MYO18B: variants seen among roughly 807,000 people sequenced by gnomAD.
The protein encoded by MYO18B is unconventional myosin-XVIIIb.
In MYO18B, 204 loss-of-function variants were observed where a neutral mutation model predicts 273.0. That is an observed-to-expected ratio of 0.75 (90% CI 0.67 to 0.84). The LOEUF is 0.84. Ranked by LOEUF, MYO18B falls within the 40% of genes least tolerant of loss-of-function variation. The probability of loss-of-function intolerance (pLI) is 0.00; values close to 1 mark genes in which losing one functional copy is unlikely to be tolerated. For synonymous variants in MYO18B, 1,330 were observed against 1,305.7 expected, an observed-to-expected ratio of 1.02 and a Z score of -0.40; for missense variants, 3,212 against 3,287.6, an observed-to-expected ratio of 0.98 and a Z score of 0.56.
At chr22:26,014,611 GTGC>G (rs1459776169) in intron 42 of MYO18B, among the ~76,000 whole-genome samples, 4 of 152,200 alleles carry the variant, frequency 2.6e-5, no homozygotes, top group African/African-American at 4.8e-5. Context: ...TGGAAGCTGA[GTGC>G]TGAGCTAGGC....
At chr22:25,757,992 A>G (rs1349067686) in intron 1 of MYO18B, among the ~76,000 whole-genome samples, 2 of 152,092 alleles carry the variant, frequency 1.3e-5, no homozygotes, top group East Asian at 3.9e-4. Flanking sequence ...AACAGTTGGA[A>G]AGTTTCTTTG....
At chr22:26,050,175 G>A in the MYO18B span, among the ~76,000 whole-genome samples, 970 of 152,290 alleles carry the variant, frequency 6.4e-3, 5 homozygotes, top group African/African-American at 0.019. Flanking sequence ...AATTTCTCCC[G>A]CAGAATCACT....
intron 42 of MYO18B, among the ~76,000 whole-genome samples, chr22:26,010,102 C>G (rs1446820297): frequency 1.3e-5 from 2 of 152,106 alleles, no homozygotes; most frequent in Non-Finnish European, 2.9e-5. Context: ...ATTCCCCTCT[C>G]TCATCCCCAT....
At position 26,030,586 on chromosome 22, in the gene MYO18B, G is replaced by A. The variant is rs548198709; in HGVS notation, c.*156G>A. ...TGAGCCCACAGAGGCATATCCTGCG[G>A]GGATGCTGGGCTCCCAGTGTGGTTG... On this transcript the variant is annotated 3_prime_UTR_variant, in exon 44 of 44. Transcript: ENST00000335473. The A allele has an allele frequency of 9.1e-6, 2 of 220,016 alleles. No homozygotes were observed. Among genetic ancestry groups the A allele is most frequent in the Middle Eastern group, 1.4e-3 (1 of 716 alleles). 13.6% of individuals were successfully genotyped at this position (220,016 alleles called of 1,614,324 possible). A position where few individuals can be genotyped will look rare whatever the true frequency, so the allele number is the denominator to read the frequency against.
intron 27 of MYO18B, among the ~76,000 whole-genome samples, chr22:25,893,432 A>G (rs1369028047): frequency 6.6e-6 from 1 of 152,146 alleles, no homozygotes; most frequent in Admixed American, 6.5e-5. Flanking sequence ...GGTAGAGATG[A>G]GCCTTGAAGG....
At chr22:25,842,545 G>A (rs935539752) in intron 17 of MYO18B, among the ~76,000 whole-genome samples, 2 of 151,978 alleles carry the variant, frequency 1.3e-5, no homozygotes, top group Non-Finnish European at 2.9e-5. Context: ...GTTGGCTCAT[G>A]CCTGTAATCC....
In MYO18B at chr22:26,027,080, C is replaced by T. The variant is rs1441725676; in HGVS notation, c.7106C>T (p.Thr2369Ile). 6.2e-7 allele frequency: 1 copy of T among 1,614,016 alleles called. No individual in the cohort carries two copies. The highest frequency in any genetic ancestry group is 1.7e-5 in the Admixed American group (1 of 60,026). Residue 2369 changes from threonine to isoleucine, a missense_variant, in exon 43 of 44, where the codon ACC (threonine) becomes ATC (isoleucine). Coordinates refer to ENST00000335473, the MANE Select transcript of MYO18B (RefSeq NM_032608.7). This position sits in a 1 kb window ranked among gnomAD's most constrained non-coding sequence, Gnocchi z 4.1. Reference protein sequence around the residue: ...PSMGRKLSSPTTPRDMLLSPT... With the variant: ...PSMGRKLSSPITPRDMLLSPT... ...ATGGGGAGAAAACTGAGCTCTCCGA[C>T]CACACCCAGGGACATGCTGTTGTCG...
In MYO18B at chr22:25,769,129, G is replaced by T. The variant is rs773453954; in HGVS notation, c.1213G>T (p.Ala405Ser). The change falls in exon 4 of 44, where the codon GCA becomes TCA. Residue 405 changes from alanine (A) to serine (S), a missense_variant. Physicochemically the swap from Ala to Ser is moderately conservative, Grantham distance 99. Transcript: ENST00000335473. The stretch of plus-strand genomic sequence containing the variant: ...GCAACCCCAGGGTAAGTCCGGGAAC[G>T]CAGGTGAAGCTCGGAGTCAGACAGA... Reference protein sequence around the residue: ...MGQPQGKSGNAGEARSQTEKG... With the variant: ...MGQPQGKSGNSGEARSQTEKG... The T allele has an allele frequency of 1.9e-6, 3 of 1,613,610 alleles. No homozygotes were observed. Among genetic ancestry groups the T allele is most frequent in the Admixed American group, 1.7e-5 (1 of 59,990 alleles).
At position 25,851,428 on chromosome 22, in the gene MYO18B, C is replaced by T. The variant is rs747294340; in HGVS notation, c.3776-42C>T. The stretch of plus-strand genomic sequence containing the variant: ...AGGGAACTGGGCTGGGTCTTCTCAT[C>T]TGGACTCTGTGCTCTTCTCCTGCCT... On this transcript the variant is annotated intron_variant, in intron 20 of 43. Coordinates refer to ENST00000335473, the MANE Select transcript of MYO18B (RefSeq NM_032608.7). 2.2e-6 allele frequency: 3 copies of T among 1,387,750 alleles called. No individual in the cohort carries two copies. The East Asian group carries it at 7.4e-5, about 34-fold the overall frequency. 86.0% of individuals were successfully genotyped at this position (1,387,750 alleles called of 1,614,324 possible). A position where few individuals can be genotyped will look rare whatever the true frequency, so the allele number is the denominator to read the frequency against.
downstream of MYO18B, among the ~76,000 whole-genome samples, chr22:26,033,791 T>C (rs1448394462): frequency 1.5e-5 from 2 of 130,948 alleles, no homozygotes; most frequent in African/African-American, 8.3e-5. Context: ...TCTTTTTCTG[T>C]CTCTCCTTCC....
At chr22:25,847,296 G>A in intron 19 of MYO18B, 134 bp from the exon 20 acceptor site, 1 of 655,180 alleles carries the variant, frequency 1.5e-6, no homozygotes. Context: ...GGCTGTAGGT[G>A]GGAGCTCCTT....
chr22:25,895,179 G>C lies in MYO18B; in HGVS notation c.4567G>C (p.Asp1523His). ...AGCAGACGAGTGGCAGATGCGCTTC[G>C]ACTGTGCTCAGATGGAGAACGAGTT... ...GGADEWQMRF[D>H]CAQMENEFLR... Residue 1523 changes from aspartate to histidine, a missense_variant, in exon 28 of 44, where the codon GAC (aspartate) becomes CAC (histidine). Coordinates refer to ENST00000335473, the MANE Select transcript of MYO18B (RefSeq NM_032608.7). The C allele has an allele frequency of 6.2e-7, 1 of 1,612,294 alleles. No individual in the cohort carries two copies. Among genetic ancestry groups the C allele is most frequent in the Non-Finnish European group, 8.5e-7 (1 of 1,179,294 alleles).
Position 26,003,319 on chromosome 22 carries a change from C to T in MYO18B, c.6332+10C>T. On this transcript the variant is annotated intron_variant, in intron 41 of 43. Transcript: ENST00000335473. ...GCGGCCGAAAAGAGATGTAAGTTAA[C>T]CCCAGGTAGAACTGAGCAGCTCACA... The T allele has an allele frequency of 1.2e-6, 2 of 1,603,234 alleles. No individual in the cohort carries two copies. The highest frequency in any genetic ancestry group is 8.5e-7 in the Non-Finnish European group (1 of 1,174,994).
Position 26,020,738 on chromosome 22 carries a change from T to G in MYO18B, c.6471-5707T>G, listed in dbSNP as rs555520452. Among the ~76,000 whole-genome samples, 4 of 152,280 alleles carry G rather than the reference T, an allele frequency of 2.6e-5. No individual in the cohort carries two copies. The South Asian group carries it at 8.3e-4, about 32-fold the overall frequency. Reference sequence around the variant, plus strand: ...TCATCTCTCATTTCTAACAAGACCCTGGGACCTAGGGCAGTGTCATTCTCA... The same window carrying G: ...TCATCTCTCATTTCTAACAAGACCCGGGGACCTAGGGCAGTGTCATTCTCA... On this transcript the variant is annotated intron_variant, in intron 42 of 43. Coordinates refer to ENST00000335473, the MANE Select transcript of MYO18B (RefSeq NM_032608.7).
intron 12 of MYO18B, among the ~76,000 whole-genome samples, chr22:25,803,654 C>T (rs2088321634): frequency 6.6e-6 from 1 of 152,138 alleles, no homozygotes; most frequent in Non-Finnish European, 1.5e-5. Flanking sequence ...TAATCTTGAA[C>T]AGGTCACTTC....
intron 42 of MYO18B, among the ~76,000 whole-genome samples, chr22:26,005,506 C>A (rs1934348566): frequency 6.6e-6 from 1 of 152,188 alleles, no homozygotes; most frequent in Admixed American, 6.5e-5. Context: ...TGGATTCACC[C>A]TTAGTTGCAC....
At chr22:25,984,925 T>A (rs907227619) in intron 39 of MYO18B, among the ~76,000 whole-genome samples, 2 of 152,180 alleles carry the variant, frequency 1.3e-5, no homozygotes, top group African/African-American at 4.8e-5. Flanking sequence ...AGCCCCTGAT[T>A]GCTTGGGTCT....
At chr22:25,793,523 G>A (rs1371202183) in intron 11 of MYO18B, among the ~76,000 whole-genome samples, 1 of 152,128 alleles carries the variant, frequency 6.6e-6, no homozygotes, top group African/African-American at 2.4e-5. Context: ...ACAGGCATGA[G>A]CCACCACACC....
At chr22:25,789,921 G>A (rs2087582953) in intron 11 of MYO18B, among the ~76,000 whole-genome samples, 2 of 152,250 alleles carry the variant, frequency 1.3e-5, no homozygotes, top group East Asian at 3.9e-4. Context: ...GGGAGGCCAA[G>A]GCAGGCGGAT....
Sources: allele counts gnomAD v4.1 joint callset (sites outside exome capture counted in the v4.1 genomes callset), GRCh38; gene constraint gnomAD v4.1.1; non-coding constraint Gnocchi (gnomAD v3.1); transcripts MANE v1.5; gene names NCBI Gene and HGNC (gene_info 2026-07-23, HGNC 2026-07-21).